Variants in GALNT18 observed in about 807,000 individuals in gnomAD.
The protein encoded by GALNT18 is polypeptide N-acetylgalactosaminyltransferase 18, also known as GalNAc-transferase 18.
A neutral mutation model predicts 69.5 loss-of-function variants in GALNT18; 44 were observed. That is an observed-to-expected ratio of 0.63 (90% CI 0.50 to 0.81). The LOEUF (loss-of-function observed/expected upper bound fraction) is 0.81. GALNT18 is among the 40% of genes least tolerant of loss of function. GALNT18 has a pLI of 0.00. For missense variants in GALNT18, 715 were observed against 810.0 expected (o/e 0.88, Z 1.42); for synonymous variants, 364 against 318.2 (o/e 1.14, Z -1.53).
At chr11:11,365,276 T>A (rs1353434315) in intron 6 of GALNT18, among the ~76,000 whole-genome samples, 1 of 152,218 alleles carries the variant, frequency 6.6e-6, no homozygotes, top group African/African-American at 2.4e-5. Context: ...GTTAGTTTGC[T>A]GAGGATGATG....
At position 11,541,706 on chromosome 11, in the gene GALNT18, C is replaced by T. The variant is rs1008696159; in HGVS notation, c.235+79653G>A. ...CTTCCCAGCCCCCACACCTCTATTG[C>T]CCCAAAGCGTCGCTAGTAGCCTTGG... On this transcript the variant is annotated intron_variant, in intron 1 of 10. Transcript: ENST00000227756. This position sits in a 1 kb window ranked among gnomAD's most constrained non-coding sequence, Gnocchi z 4.8. Among the ~76,000 whole-genome samples, 3 of 152,120 alleles carry T rather than the reference C, an allele frequency of 2.0e-5. No individual in the cohort carries two copies.
chr11:11,545,975 C>G lies in GALNT18; in HGVS notation c.235+75384G>C, dbSNP rs576521812. Among the ~76,000 whole-genome samples the G allele has an allele frequency of 1.4e-4, 21 of 152,292 alleles. No individual in the cohort carries two copies. The South Asian group carries it at 4.1e-3, about 30-fold the overall frequency. On this transcript the variant is annotated intron_variant, in intron 1 of 10. Transcript: ENST00000227756. Reference sequence around the variant, plus strand: ...CACATCACAGCACACCAGAAAAGAACAGAGCTAACTTCTCCAGGAGCTGAG... The same window carrying G: ...CACATCACAGCACACCAGAAAAGAAGAGAGCTAACTTCTCCAGGAGCTGAG...
intron 1 of GALNT18, among the ~76,000 whole-genome samples, chr11:11,547,733 C>G (rs1028084948): frequency 1.6e-4 from 25 of 152,224 alleles, no homozygotes; most frequent in African/African-American, 5.8e-4. Context: ...CTCTACGCTG[C>G]AATTGGGGTG....
At chr11:11,412,309 C>T (rs1483603436) in intron 3 of GALNT18, among the ~76,000 whole-genome samples, 1 of 152,160 alleles carries the variant, frequency 6.6e-6, no homozygotes, top group African/African-American at 2.4e-5. Flanking sequence ...CTAGAATTTG[C>T]CAAAGTGTTT....
chr11:11,280,839 C>G (rs1008659262), intron 10 of GALNT18, among the ~76,000 whole-genome samples: 4 of 152,186 alleles, frequency 2.6e-5, no homozygotes, highest in Admixed American at 2.6e-4. Flanking sequence ...GTTGTCCTCT[C>G]AAACTGTGGT....
intron 8 of GALNT18, among the ~76,000 whole-genome samples, chr11:11,330,413 G>A (rs779385933): frequency 5.3e-5 from 8 of 152,210 alleles, no homozygotes; most frequent in Non-Finnish European, 1.2e-4. Context: ...TCTTCAGCCA[G>A]TTGCCCCCAT....
intron 9 of GALNT18, among the ~76,000 whole-genome samples, chr11:11,321,123 G>A (rs751416603): frequency 1.3e-4 from 20 of 152,192 alleles, no homozygotes; most frequent in African/African-American, 4.1e-4. Context: ...AGTTTCCCAC[G>A]CCAACTGAAT....
At chr11:11,456,862 C>T (rs911394089) in intron 1 of GALNT18, among the ~76,000 whole-genome samples, 2 of 152,156 alleles carry the variant, frequency 1.3e-5, no homozygotes, top group African/African-American at 4.8e-5. Flanking sequence ...CAGTGATATG[C>T]CCACAGTGCC....
At chr11:11,610,645 C>A (rs547439986) in intron 1 of GALNT18, among the ~76,000 whole-genome samples, 22 of 152,274 alleles carry the variant, frequency 1.4e-4, no homozygotes, top group African/African-American at 5.3e-4. Context: ...AAATAAAAGG[C>A]CTGGCCCAGT....
intron 3 of GALNT18, among the ~76,000 whole-genome samples, chr11:11,423,291 C>T (rs146553553): frequency 3.3e-5 from 5 of 150,416 alleles, no homozygotes; most frequent in East Asian, 3.9e-4. Context: ...TGTACACAAA[C>T]GTATGTGTGC....
At chr11:11,364,600 T>C (rs1850718344) in intron 6 of GALNT18, among the ~76,000 whole-genome samples, 1 of 152,150 alleles carries the variant, frequency 6.6e-6, no homozygotes, top group Non-Finnish European at 1.5e-5. Flanking sequence ...TTATGGAGAC[T>C]GGAAAGACAA....
chr11:11,544,393 T>C (rs920298332), intron 1 of GALNT18, among the ~76,000 whole-genome samples: 2 of 152,236 alleles, frequency 1.3e-5, no homozygotes, highest in Non-Finnish European at 2.9e-5. Context: ...CCAGTCACTA[T>C]GCTAAGCATT....
intron 9 of GALNT18, among the ~76,000 whole-genome samples, chr11:11,305,480 C>A (rs752629022): frequency 3.3e-5 from 5 of 152,126 alleles, no homozygotes; most frequent in Admixed American, 1.3e-4. Context: ...AACATATATA[C>A]CAATGAGACT....
intron 1 of GALNT18, among the ~76,000 whole-genome samples, chr11:11,508,698 A>C (rs1379919154): frequency 6.6e-6 from 1 of 152,218 alleles, no homozygotes; most frequent in African/African-American, 2.4e-5. Flanking sequence ...CCCATTTGGC[A>C]CTGGTTAATG....
At chr11:11,271,791 G>A (rs936914695) in intron 10 of GALNT18, among the ~76,000 whole-genome samples, 1 of 152,152 alleles carries the variant, frequency 6.6e-6, no homozygotes, top group Admixed American at 6.5e-5. Flanking sequence ...AGGCCACTGG[G>A]CCCCCTAAGT....
chr11:11,390,788 T>A (rs911764159), intron 3 of GALNT18, among the ~76,000 whole-genome samples: 1 of 152,172 alleles, frequency 6.6e-6, no homozygotes, highest in African/African-American at 2.4e-5. Flanking sequence ...CCGTTTTTCT[T>A]TCTTTATTGA....
In GALNT18 at chr11:11,541,925, G is replaced by A. The variant is rs2133956597; in HGVS notation, c.235+79434C>T. The stretch of plus-strand genomic sequence containing the variant: ...ACCTCGCTGGCCACAACCTCCTGCA[G>A]GAGAATCACAGGCAAGGCAACTATA... On this transcript the variant is annotated intron_variant, in intron 1 of 10. Coordinates refer to ENST00000227756, the MANE Select transcript of GALNT18 (RefSeq NM_198516.3). This position sits in a 1 kb window ranked among gnomAD's most constrained non-coding sequence, Gnocchi z 4.8. 6.6e-6 allele frequency among the ~76,000 whole-genome samples: 1 copy of A among 152,218 alleles called. No individual in the cohort carries two copies. The highest frequency in any genetic ancestry group is 2.1e-4 in the South Asian group (1 of 4,818).
chr11:11,536,853 G>T (rs146028144), intron 1 of GALNT18, among the ~76,000 whole-genome samples: 199 of 152,338 alleles, frequency 1.3e-3, no homozygotes, highest in Middle Eastern at 6.8e-3. Context: ...TCATAAAGTG[G>T]TGCTTCAAGG....
rs1260530433 is a variant in GALNT18 at position 11,318,793 on chromosome 11, TG to T, written c.1512+8292del. On this transcript the variant is annotated intron_variant, in intron 9 of 10. Transcript: ENST00000227756. The surrounding 1 kb of genome is among the most constrained non-coding windows in gnomAD (Gnocchi z 5.1). ...GCAAAAACAAAGAGGGGAAGTGGCC[TG>T]TCCTTTTAATATTATCCTGGGACAT... Among the ~76,000 whole-genome samples the T allele has an allele frequency of 6.6e-6, 1 of 152,188 alleles. No individual in the cohort carries two copies. The highest frequency in any genetic ancestry group is 1.5e-5 in the Non-Finnish European group (1 of 68,044).
Sources: allele counts gnomAD v4.1 joint callset (sites outside exome capture counted in the v4.1 genomes callset), GRCh38; gene constraint gnomAD v4.1.1; non-coding constraint Gnocchi (gnomAD v3.1); transcripts MANE v1.5; gene names NCBI Gene and HGNC (gene_info 2026-07-23, HGNC 2026-07-21).